The following ANKAR variants were observed in gnomAD, a reference collection of about 807,000 sequenced individuals.
ANKAR encodes ankyrin and armadillo repeat-containing protein.
In ANKAR, 136 loss-of-function variants were observed where a neutral mutation model predicts 146.2. The observed-to-expected ratio is 0.93, with a 90% confidence interval of 0.81 to 1.07. The LOEUF is 1.07. Among genes scored for constraint, ANKAR ranks in the 50% least tolerant of loss-of-function variants. The probability of loss-of-function intolerance (pLI) is 0.00; values close to 1 mark genes in which losing one functional copy is unlikely to be tolerated. For missense variants in ANKAR, 1,567 were observed against 1,679.9 expected (o/e 0.93, Z 1.18); for synonymous variants, 500 against 575.8 (o/e 0.87, Z 1.88).
At chr2:189,762,669 G>A (rs1321245107), downstream of ANKAR, 6 of 985,306 alleles carry the variant, frequency 6.1e-6, no homozygotes, top group African/African-American at 1.7e-5. Flanking sequence ...GGTGAAGAGT[G>A]AGCAATTTCA....
In ANKAR at chr2:189,744,649, T is replaced by A; in HGVS notation, c.4011-93T>A. The stretch of plus-strand genomic sequence containing the variant: ...GAATTAGGCCATTAGGCATTAAACC[T>A]GGTACTGTAAGTCTTCATATACTTC... On this transcript the variant is annotated intron_variant, in intron 21 of 22. Transcript: ENST00000684021. 4.7e-6 allele frequency: 4 copies of A among 843,928 alleles called. No homozygotes were observed. In the South Asian group the frequency reaches 6.4e-5, roughly 13 times the overall value. The allele number at this position is 843,928 out of a possible 1,614,324, so 52.3% of individuals were successfully genotyped here.
At chr2:189,690,110 TA>T (rs1328002328) in intron 3 of ANKAR, 146 bp downstream of exon 3, 1 of 472,060 alleles carries the variant, frequency 2.1e-6, no homozygotes, top group African/African-American at 2.0e-5. Context: ...GTCTCTAATG[TA>T]ATTAAAAAGA....
At position 189,711,040 on chromosome 2, in the gene ANKAR, A is replaced by G. The variant is rs774219175; in HGVS notation, c.2120-9A>G. 6.2e-7 allele frequency: 1 copy of G among 1,604,966 alleles called. No individual in the cohort carries two copies. The highest frequency in any genetic ancestry group is 1.1e-5 in the South Asian group (1 of 89,628). ...TTACAGCTGTGTTTTTCTGTTGAAC[A>G]CTTAACAGAAATGTTACAGTGTGAA... On this transcript the variant is annotated splice_polypyrimidine_tract_variant and intron_variant, in intron 9 of 22. Coordinates refer to ENST00000684021, the MANE Select transcript of ANKAR (RefSeq NM_001378068.1).
At position 189,741,399 on chromosome 2, in the gene ANKAR, C is replaced by T. The variant is rs1479559321; in HGVS notation, c.3758C>T (p.Thr1253Ile). The change falls in exon 20 of 23, where the codon ACA becomes ATA. Residue 1253 changes from threonine (T) to isoleucine (I), a missense_variant. Thr to Ile is a moderately conservative substitution (Grantham distance 89). Coordinates refer to ENST00000684021, the MANE Select transcript of ANKAR (RefSeq NM_001378068.1). The stretch of plus-strand genomic sequence containing the variant: ...GCTGGTATCCCAGAAGCATTTACCA[C>T]ATTAGGAACAATCCAACGGCTCTGC... ...SRAGIPEAFT[T>I]LGTIQRLCYH... 6.2e-7 allele frequency: 1 copy of T among 1,610,812 alleles called. No individual in the cohort carries two copies. The highest frequency in any genetic ancestry group is 8.5e-7 in the Non-Finnish European group (1 of 1,178,374).
At chr2:189,686,233 A>AAAGAAAGG (rs1376431931) in intron 2 of ANKAR, among the ~76,000 whole-genome samples, 2 of 152,230 alleles carry the variant, frequency 1.3e-5, no homozygotes, top group African/African-American at 4.8e-5. Flanking sequence ...GAAAAAAGAA[A>AAAGAAAGG]AAGAAAGGAG....
chr2:189,683,225 C>CT (rs1290285318), intron 2 of ANKAR, among the ~76,000 whole-genome samples: 17 of 152,146 alleles, frequency 1.1e-4, no homozygotes, highest in African/African-American at 2.9e-4. Context: ...CCAGTCTGTG[C>CT]TTTTTTCTTA....
At position 189,724,466 on chromosome 2, in the gene ANKAR, T is replaced by C. The variant is rs1313858369; in HGVS notation, c.2636-3390T>C. Among the ~76,000 whole-genome samples, 6 of 152,294 alleles carry C rather than the reference T, an allele frequency of 3.9e-5. 1 individual carries two copies. Among genetic ancestry groups the C allele is most frequent in the South Asian group, 4.1e-4 (2 of 4,832 alleles). ...TTACTCTCAAGTAATATTGAACTTATTGCTTTGTTCTTTACTCTGGCCTTT... is the reference window on the plus strand; with the variant it reads ...TTACTCTCAAGTAATATTGAACTTACTGCTTTGTTCTTTACTCTGGCCTTT... On this transcript the variant is annotated intron_variant, in intron 12 of 22. Transcript: ENST00000684021.
intron 9 of ANKAR, among the ~76,000 whole-genome samples, chr2:189,709,346 A>C (rs1447522931): frequency 6.6e-6 from 1 of 152,238 alleles, no homozygotes; most frequent in Admixed American, 6.5e-5. Flanking sequence ...ACAGCAGTGT[A>C]TATAAATATG....
intron 7 of ANKAR, among the ~76,000 whole-genome samples, chr2:189,703,319 G>A (rs1339142262): frequency 6.6e-6 from 1 of 152,176 alleles, no homozygotes; most frequent in African/African-American, 2.4e-5. Context: ...GCTTGGATTA[G>A]GATGGTGGTG....
At chr2:189,686,315 A>G (rs2035587671) in intron 2 of ANKAR, among the ~76,000 whole-genome samples, 2 of 152,208 alleles carry the variant, frequency 1.3e-5, no homozygotes, top group African/African-American at 4.8e-5. Flanking sequence ...TTCTACAGTC[A>G]TGTCTTACGA....
intron 15 of ANKAR, 148 bp downstream of exon 15, chr2:189,728,969 A>G (rs571788398): frequency 2.6e-6 from 2 of 759,084 alleles, no homozygotes; most frequent in East Asian, 5.7e-5. Context: ...TATAACTTTT[A>G]AAGTTTGTCT....
At chr2:189,710,459 G>A (rs532739969) in intron 9 of ANKAR, among the ~76,000 whole-genome samples, 16 of 152,120 alleles carry the variant, frequency 1.1e-4, no homozygotes, top group African/African-American at 2.7e-4. Context: ...ATTTTCCAAC[G>A]GAATTTGAAG....
chr2:189,743,195 C>G, intron 20 of ANKAR, 80 bp from the exon 21 acceptor site: 1 of 1,390,270 alleles, frequency 7.2e-7, no homozygotes, highest in East Asian at 2.4e-5. Context: ...AGAGACTTTC[C>G]TATGAAATAG....
intron 12 of ANKAR, among the ~76,000 whole-genome samples, chr2:189,721,592 G>T (rs183089434): frequency 6.6e-6 from 1 of 152,122 alleles, no homozygotes; most frequent in African/African-American, 2.4e-5. Context: ...CCTAAAGTGC[G>T]TCTCAGTACC....
In ANKAR at chr2:189,719,625, T is replaced by C. The variant is rs764224391; in HGVS notation, c.2278T>C (p.Cys760Arg). 6.2e-7 allele frequency: 1 copy of C among 1,613,858 alleles called. No homozygotes were observed. The highest frequency in any genetic ancestry group is 1.1e-5 in the South Asian group (1 of 91,058). The stretch of plus-strand genomic sequence containing the variant: ...AAAAAGTTCCAAAATAAAACTGCAG[T>C]GCAAAACTGTTGGGTTATTGAGTAA... ...LLKSSKIKLQCKTVGLLSNIS... is the reference protein window; with the variant it reads ...LLKSSKIKLQRKTVGLLSNIS... The change falls in exon 11 of 23, where the codon TGC becomes CGC. Residue 760 changes from cysteine to arginine, a missense_variant. Transcript: ENST00000684021.
intron 16 of ANKAR, among the ~76,000 whole-genome samples, chr2:189,731,562 G>A (rs1388760662): frequency 1.3e-5 from 2 of 151,560 alleles, no homozygotes; most frequent in Non-Finnish European, 2.9e-5. Flanking sequence ...TTGTAGAGAC[G>A]GGGTTTCACC....
At position 189,737,816 on chromosome 2, in the gene ANKAR, C is replaced by T. The variant is rs1245074289; in HGVS notation, c.3557C>T (p.Thr1186Ile). Residue 1186 changes from threonine (T) to isoleucine (I), a missense_variant, in exon 18 of 23, where the codon ACT becomes ATT. Physicochemically the swap from Thr to Ile is moderately conservative, Grantham distance 89. Transcript: ENST00000684021. ...FERFLESTVE[T>I]EKAMAAFQIV... ...CGTTTTCTTGAATCAACAGTTGAAA[C>T]TGAGAAGGCAATGGCAGCATTTCAG... The T allele has an allele frequency of 1.4e-5, 22 of 1,570,760 alleles. No homozygotes were observed. The highest frequency in any genetic ancestry group is 1.8e-5 in the Non-Finnish European group (21 of 1,165,596).
chr2:189,697,877 A>T (rs2037457569), intron 7 of ANKAR, among the ~76,000 whole-genome samples: 1 of 101,312 alleles, frequency 9.9e-6, no homozygotes, highest in East Asian at 3.1e-4. Flanking sequence ...CAGAGTTTCC[A>T]GGTCTGCTTT....
chr2:189,749,731 C>T (rs1038413491), downstream of ANKAR, among the ~76,000 whole-genome samples: 4 of 152,138 alleles, frequency 2.6e-5, no homozygotes, highest in African/African-American at 9.7e-5. Flanking sequence ...ATCCTATTTA[C>T]TCCAGAGATG....
Sources: allele counts gnomAD v4.1 joint callset (sites outside exome capture counted in the v4.1 genomes callset), GRCh38; gene constraint gnomAD v4.1.1; transcripts MANE v1.5; gene names NCBI Gene and HGNC (gene_info 2026-07-23, HGNC 2026-07-21).